Variants in TCF12 observed in about 807,000 individuals in gnomAD.
TCF12 encodes DNA-binding protein HTF4.
A neutral mutation model predicts 86.0 loss-of-function variants in TCF12; 45 were observed. That is an observed-to-expected ratio of 0.52 (90% CI 0.41 to 0.67). The LOEUF (loss-of-function observed/expected upper bound fraction) is 0.67. Among genes scored for constraint, TCF12 ranks in the 30% least tolerant of loss-of-function variants. The pLI, the probability that TCF12 is intolerant of heterozygous loss-of-function variation, is 0.00. For synonymous variants in TCF12, 330 were observed against 299.6 expected (o/e 1.10, Z -1.05); for missense variants, 881 against 859.9 (o/e 1.02, Z -0.31).
intron 12 of TCF12, among the ~76,000 whole-genome samples, chr15:57,235,929 G>A (rs1479021782): frequency 6.6e-6 from 1 of 151,932 alleles, no homozygotes; most frequent in Non-Finnish European, 1.5e-5. Context: ...ATCTTCCCCT[G>A]TTATAAACAG....
intron 18 of TCF12, among the ~76,000 whole-genome samples, chr15:57,266,926 G>A (rs1228687899): frequency 2.0e-5 from 3 of 152,158 alleles, no homozygotes; most frequent in Non-Finnish European, 2.9e-5. Flanking sequence ...CTACTTGGGA[G>A]GGTAAGGCAG....
intron 3 of TCF12, among the ~76,000 whole-genome samples, chr15:56,981,247 T>C (rs2062875266): frequency 2.0e-5 from 3 of 152,332 alleles, no homozygotes; most frequent in South Asian, 2.1e-4. Flanking sequence ...CAGAAATGTA[T>C]TCTTTCACAG....
At chr15:56,930,806 A>ATC (rs1221784513) in intron 3 of TCF12, among the ~76,000 whole-genome samples, 2 of 152,130 alleles carry the variant, frequency 1.3e-5, no homozygotes, top group African/African-American at 4.8e-5. Flanking sequence ...ATCCAAAAAG[A>ATC]TCTCAACCAC....
At chr15:57,219,106 A>G (rs2058458466) in intron 8 of TCF12, 1 of 1,059,532 alleles carries the variant, frequency 9.4e-7, no homozygotes, top group Non-Finnish European at 1.1e-6. Context: ...CAAGTGCTCT[A>G]ATTTAATTAA....
At chr15:57,169,778 G>T (rs1367086012) in intron 6 of TCF12, among the ~76,000 whole-genome samples, 1 of 152,002 alleles carries the variant, frequency 6.6e-6, no homozygotes, top group Non-Finnish European at 1.5e-5. Context: ...TTTTTATTAT[G>T]TTCAAATGTT....
chr15:56,932,786 A>G (rs1333529225), intron 3 of TCF12, among the ~76,000 whole-genome samples: 2 of 152,092 alleles, frequency 1.3e-5, no homozygotes, highest in Non-Finnish European at 2.9e-5. Flanking sequence ...GCTGTTCTTT[A>G]ATTCTGCCCA....
At chr15:56,921,689 G>T (rs1240172060) in intron 3 of TCF12, among the ~76,000 whole-genome samples, 1 of 151,870 alleles carries the variant, frequency 6.6e-6, no homozygotes, top group Non-Finnish European at 1.5e-5. Context: ...AGCCATGACA[G>T]CATCATCTTA....
intron 3 of TCF12, among the ~76,000 whole-genome samples, chr15:57,015,583 G>C (rs1407034529): frequency 6.6e-6 from 1 of 152,188 alleles, no homozygotes; most frequent in Non-Finnish European, 1.5e-5. Flanking sequence ...TTTAGAAGTA[G>C]GGCAAAATCT....
Position 57,251,432 on chromosome 15 carries a change from C to T in TCF12, c.1188+9C>T. 1 of 1,613,436 alleles carries T rather than the reference C, an allele frequency of 6.2e-7. No homozygotes were observed. Among genetic ancestry groups the T allele is most frequent in the Non-Finnish European group, 8.5e-7 (1 of 1,179,598 alleles). On this transcript the variant is annotated intron_variant, in intron 14 of 20. Transcript: ENST00000333725. ...ACTCACTCCACTCCCTGGTAAGAGC[C>T]TCTTATACATCAGTTTTATCTGATA...
intron 3 of TCF12, 41 bp downstream of exon 3, chr15:56,921,139 T>C: frequency 6.7e-7 from 1 of 1,496,134 alleles, no homozygotes; most frequent in Non-Finnish European, 9.1e-7. Context: ...ATTTTGGTGG[T>C]GTGATACATT....
chr15:57,063,619 G>A, intron 3 of TCF12, 131 bp from the exon 4 acceptor site: 1 of 573,442 alleles, frequency 1.7e-6, no homozygotes, highest in Non-Finnish European at 3.0e-6. Flanking sequence ...GGTTTCTGAA[G>A]CAAGGATTGA....
chr15:56,965,425 CTT>C (rs1567175813), intron 3 of TCF12, among the ~76,000 whole-genome samples: 1 of 152,138 alleles, frequency 6.6e-6, no homozygotes, highest in African/African-American at 2.4e-5. Flanking sequence ...TTATTACAAA[CTT>C]GGGAAGTTTT....
chr15:57,132,111 A>G (rs1193229172), intron 5 of TCF12, among the ~76,000 whole-genome samples: 2 of 152,160 alleles, frequency 1.3e-5, no homozygotes, highest in East Asian at 1.9e-4. Flanking sequence ...AAATTGTGCC[A>G]CTACACTCCG....
intron 4 of TCF12, among the ~76,000 whole-genome samples, chr15:57,071,188 C>G (rs1251628989): frequency 3.3e-5 from 5 of 151,508 alleles, no homozygotes; most frequent in Admixed American, 1.3e-4. Flanking sequence ...GGGAGGATTG[C>G]TTGAGCCCAA....
intron 7 of TCF12, among the ~76,000 whole-genome samples, chr15:57,193,795 C>T (rs2057108336): frequency 6.6e-6 from 1 of 152,166 alleles, no homozygotes; most frequent in African/African-American, 2.4e-5. Flanking sequence ...GATAGATCAT[C>T]ATATTCAGCA....
At chr15:56,940,301 G>A (rs1410203074) in intron 3 of TCF12, among the ~76,000 whole-genome samples, 2 of 152,048 alleles carry the variant, frequency 1.3e-5, no homozygotes, top group African/African-American at 4.8e-5. Context: ...TGTGGTAGAG[G>A]TGAACCTTTT....
chr15:57,187,803 G>A (rs1024474520), intron 6 of TCF12, among the ~76,000 whole-genome samples: 3 of 152,048 alleles, frequency 2.0e-5, no homozygotes, highest in Admixed American at 6.6e-5. Flanking sequence ...GGTGGTGCAC[G>A]CCTTTAATCC....
intron 4 of TCF12, 27 bp from the exon 5 acceptor site, chr15:57,091,762 A>T (rs759180283): frequency 6.4e-7 from 1 of 1,561,930 alleles, no homozygotes; most frequent in Admixed American, 1.7e-5. Flanking sequence ...TAATCTCTTT[A>T]ATACTCTGAT....
chr15:57,233,059 ATATATG>A (rs1173518960), intron 11 of TCF12, among the ~76,000 whole-genome samples: 3 of 122,896 alleles, frequency 2.4e-5, no homozygotes, highest in Non-Finnish European at 4.0e-5. Context: ...TATATGTGTT[ATATATG>A]TATATGTGTG....
Sources: allele counts gnomAD v4.1 joint callset (sites outside exome capture counted in the v4.1 genomes callset), GRCh38; gene constraint gnomAD v4.1.1; transcripts MANE v1.5; gene names NCBI Gene and HGNC (gene_info 2026-07-23, HGNC 2026-07-21).